The following PCYT2 variants were observed in gnomAD, a reference collection of about 807,000 sequenced individuals.
The protein encoded by PCYT2 is phosphate cytidylyltransferase 2, ethanolamine.
In PCYT2, 33 loss-of-function variants were observed where a neutral mutation model predicts 50.0. The ratio of observed to expected loss-of-function variants is 0.66; its 90% confidence interval spans 0.50 to 0.88. The LOEUF is 0.88. PCYT2 is among the 40% of genes least tolerant of loss of function. The probability of loss-of-function intolerance (pLI) is 0.00; values close to 1 mark genes in which losing one functional copy is unlikely to be tolerated. For missense variants in PCYT2, 430 were observed against 519.7 expected, an observed-to-expected ratio of 0.83 and a Z score of 1.68; for synonymous variants, 240 against 203.7, an observed-to-expected ratio of 1.18 and a Z score of -1.52.
chr17:81,906,895 G>A lies in PCYT2; in HGVS notation c.541C>T (p.Pro181Ser). 4 of 1,612,670 alleles carry A rather than the reference G, an allele frequency of 2.5e-6. No homozygotes were observed. The highest frequency in any genetic ancestry group is 3.4e-6 in the Non-Finnish European group (4 of 1,179,688). ...REYADSFGKC[P>S]GGRNPWTGVS... ...CCGGTCCAGGGGTTCCGCCCACCAG[G>A]GCACTGCAAGCCAAGAGAGGGAGCA... The change falls in exon 7 of 13, where the codon CCT (proline) becomes TCT (serine). Residue 181 changes from proline (P) to serine (S), a missense_variant. Transcript: ENST00000538936.
In PCYT2 at chr17:81,902,157, C is replaced by T. The variant is rs2039976238; in HGVS notation, c.*2676G>A. Reference sequence around the variant, plus strand: ...CGCGCGCGCCCGCTGCACCCCAGCCCGCCCGCCGCCCCTCCCGGCCCTCCG... The same window carrying T: ...CGCGCGCGCCCGCTGCACCCCAGCCTGCCCGCCGCCCCTCCCGGCCCTCCG... On this transcript the variant is annotated 3_prime_UTR_variant, in exon 13 of 13. Coordinates refer to ENST00000538936, the MANE Select transcript of PCYT2 (RefSeq NM_002861.5). The T allele has an allele frequency of 7.2e-6, 7 of 972,590 alleles. No individual in the cohort carries two copies. In the South Asian group the frequency reaches 2.5e-4, roughly 35 times the overall value. The allele number at this position is 972,590 out of a possible 1,614,324, so 60.2% of individuals were successfully genotyped here.
At chr17:81,906,599 T>C in intron 7 of PCYT2, 53 bp from the exon 8 acceptor site, 1 of 1,582,600 alleles carries the variant, frequency 6.3e-7, no homozygotes, top group Non-Finnish European at 8.7e-7. Flanking sequence ...AGCAGCTCCC[T>C]GACAGCTCAT....
intron 4 of PCYT2, 149 bp from the exon 5 acceptor site, chr17:81,908,006 T>C: frequency 1.5e-6 from 1 of 654,856 alleles, no homozygotes; most frequent in Non-Finnish European, 2.6e-6. Flanking sequence ...TGCAAGGCCA[T>C]AACAGAAAAC....
rs770434291 is a variant in PCYT2 at position 81,908,907 on chromosome 17, G to T, written c.309C>A (p.Asp103Glu). ...APYVTTLETL[D>E]KYNCDFCVHG... ...GAACACAGAAGTCACAGTTGTATTT[G>T]TCCAGGGTCTCTAGTGTAGTGACGT... The change falls in exon 3 of 13, where the codon GAC becomes GAA. Residue 103 changes from aspartate to glutamate, a missense_variant. Physicochemically the swap from Asp to Glu is conservative, Grantham distance 45. Around this residue, in one of 4 missense-constraint regions of PCYT2, gnomAD observed 117 missense variants for 163.9 expected, o/e 0.71. Coordinates refer to ENST00000538936, the MANE Select transcript of PCYT2 (RefSeq NM_002861.5). The T allele has an allele frequency of 5.6e-6, 9 of 1,613,962 alleles. No homozygotes were observed. The highest frequency in any genetic ancestry group is 7.6e-6 in the Non-Finnish European group (9 of 1,179,970).
chr17:81,902,838 C>G lies in PCYT2; in HGVS notation c.*1995G>C. On this transcript the variant is annotated 3_prime_UTR_variant, in exon 13 of 13. Coordinates refer to ENST00000538936, the MANE Select transcript of PCYT2 (RefSeq NM_002861.5). ...GCCCCTCCGGCGCGGGATGGCGCCCCAGGTCTCCCCTACTCCGCTCACCCC... is the reference window on the plus strand; with the variant it reads ...GCCCCTCCGGCGCGGGATGGCGCCCGAGGTCTCCCCTACTCCGCTCACCCC... 1 of 1,193,852 alleles carries G rather than the reference C, an allele frequency of 8.4e-7. No homozygotes were observed. Among genetic ancestry groups the G allele is most frequent in the Non-Finnish European group, 1.2e-6 (1 of 866,058 alleles). 74.0% of individuals were successfully genotyped at this position (1,193,852 alleles called of 1,614,324 possible).
intron 6 of PCYT2, 73 bp downstream of exon 6, chr17:81,907,481 G>T (rs2040336194): frequency 8.7e-6 from 13 of 1,491,768 alleles, no homozygotes; most frequent in Non-Finnish European, 1.2e-5. Flanking sequence ...TTCCCCAAGG[G>T]ATGGCTGGGA....
At chr17:81,910,567 G>C (rs980305255) in intron 1 of PCYT2, among the ~76,000 whole-genome samples, 1 of 152,204 alleles carries the variant, frequency 6.6e-6, no homozygotes, top group African/African-American at 2.4e-5. Flanking sequence ...TCAGGGCAAG[G>C]TCAAAGTCCA....
chr17:81,905,006 C>G lies in PCYT2; in HGVS notation c.1058+60G>C, dbSNP rs146889521. ...TGAGGCGGCTCCGAGGGGGAGGGCA[C>G]GGTAAGTCTAGCGGAGAGCGCCCAT... On this transcript the variant is annotated intron_variant, in intron 12 of 12. Coordinates refer to ENST00000538936, the MANE Select transcript of PCYT2 (RefSeq NM_002861.5). 1,583,724 of 1,593,216 alleles carry G rather than the reference C, an allele frequency of 0.99. 787,274 individuals carry two copies. Among genetic ancestry groups the G allele is most frequent in the Non-Finnish European group, 1 (1,160,683 of 1,163,590 alleles).
intron 1 of PCYT2, 113 bp from the exon 2 acceptor site, chr17:81,909,715 G>A (rs2040472766): frequency 9.0e-6 from 7 of 775,658 alleles, no homozygotes; most frequent in East Asian, 2.6e-5. Context: ...AGCGCTCTGA[G>A]AAGCTGCTGC....
At chr17:81,908,784 G>A (rs763515775) in intron 3 of PCYT2, 92 bp downstream of exon 3, 34 of 1,386,284 alleles carry the variant, frequency 2.5e-5, no homozygotes, top group East Asian at 4.6e-5. Context: ...CTCAAAGGGC[G>A]GAGGCCCCCT....
chr17:81,902,862 C>G lies in PCYT2; in HGVS notation c.*1971G>C. 1 of 922,962 alleles carries G rather than the reference C, an allele frequency of 1.1e-6. No homozygotes were observed. The highest frequency in any genetic ancestry group is 1.6e-6 in the Non-Finnish European group (1 of 643,202). 57.2% of individuals were successfully genotyped at this position (922,962 alleles called of 1,614,324 possible). A position where few individuals can be genotyped will look rare whatever the true frequency, so the allele number is the denominator to read the frequency against. On this transcript the variant is annotated 3_prime_UTR_variant, in exon 13 of 13. Coordinates refer to ENST00000538936, the MANE Select transcript of PCYT2 (RefSeq NM_002861.5). ...CCAGGTCTCCCCTACTCCGCTCACC[C>G]CGCAGTTAATGGCAAACGAATAAAT... is the stretch of plus-strand genomic sequence containing the variant.
At chr17:81,908,822 G>T in intron 3 of PCYT2, 54 bp downstream of exon 3, 1 of 1,535,500 alleles carries the variant, frequency 6.5e-7, no homozygotes, top group Non-Finnish European at 9.0e-7. Context: ...CAGCAGATCT[G>T]ATCCTGAGCC....
At chr17:81,905,613 C>T in intron 10 of PCYT2, 57 bp downstream of exon 10, 2 of 1,545,120 alleles carry the variant, frequency 1.3e-6, no homozygotes, top group Non-Finnish European at 1.8e-6. Context: ...GCATTCCCAG[C>T]CCATGCAGGA....
At chr17:81,909,381 G>T in intron 2 of PCYT2, 133 bp downstream of exon 2, 2 of 1,439,592 alleles carry the variant, frequency 1.4e-6, no homozygotes, top group Non-Finnish European at 1.9e-6. Flanking sequence ...GGGCTGGGCT[G>T]GGTGAGCCTA....
rs1394773016 is a variant in PCYT2 at position 81,902,416 on chromosome 17, C to T, written c.*2417G>A. On this transcript the variant is annotated 3_prime_UTR_variant, in exon 13 of 13. Transcript: ENST00000538936. ...CCGCGCCGCGGGGCTGCTGTCCGGC[C>T]TCCGCAGGTCCCCGTACGCGCGGCG... 1.7e-5 allele frequency: 23 copies of T among 1,348,458 alleles called. No homozygotes were observed. The highest frequency in any genetic ancestry group is 2.2e-5 in the Non-Finnish European group (23 of 1,057,500). The allele number at this position is 1,348,458 out of a possible 1,614,324, so 83.5% of individuals were successfully genotyped here.
At chr17:81,905,228 C>G in intron 11 of PCYT2, 74 bp from the exon 12 acceptor site, 2 of 1,399,678 alleles carry the variant, frequency 1.4e-6, no homozygotes, top group South Asian at 2.4e-5. Context: ...TGCCCTGCCC[C>G]AGAGGGAGAC....
Position 81,902,405 on chromosome 17 carries a change from T to TGCTGTCCGGCCTCC in PCYT2, c.*2414_*2427dup. 1 of 1,346,024 alleles carries TGCTGTCCGGCCTCC rather than the reference T, an allele frequency of 7.4e-7. No individual in the cohort carries two copies. The highest frequency in any genetic ancestry group is 9.5e-7 in the Non-Finnish European group (1 of 1,055,916). 83.4% of individuals were successfully genotyped at this position (1,346,024 alleles called of 1,614,324 possible). ...TACTCGGTGGGCCGCGCCGCGGGGC[T>TGCTGTCCGGCCTCC]GCTGTCCGGCCTCCGCAGGTCCCCG... On this transcript the variant is annotated 3_prime_UTR_variant, in exon 13 of 13. Transcript: ENST00000538936.
At chr17:81,909,263 C>T in intron 2 of PCYT2, 3 of 1,430,324 alleles carry the variant, frequency 2.1e-6, no homozygotes, top group Admixed American at 2.9e-5. Context: ...GGTGCTCAGC[C>T]CCTGAAGGCT....
Position 81,903,085 on chromosome 17 carries a change from G to A in PCYT2, c.*1748C>T, listed in dbSNP as rs536084175. On this transcript the variant is annotated 3_prime_UTR_variant, in exon 13 of 13. Coordinates refer to ENST00000538936, the MANE Select transcript of PCYT2 (RefSeq NM_002861.5). ...CACGACCCAGCCCCGCGGTGAAGCC[G>A]CGCCTAGCCTTGGTGCTCCCTGGGG... 185 of 323,144 alleles carry A rather than the reference G, an allele frequency of 5.7e-4. No individual in the cohort carries two copies. The highest frequency in any genetic ancestry group is 2.4e-3 in the Admixed American group (48 of 19,878). The allele number at this position is 323,144 out of a possible 1,614,324, so 20.0% of individuals were successfully genotyped here. A position where few individuals can be genotyped will look rare whatever the true frequency, so the allele number is the denominator to read the frequency against.
Sources: gnomAD v4.1 joint callset for allele counts (sites outside exome capture counted in the v4.1 genomes callset) on GRCh38, gnomAD v4.1.1 for gene constraint, gnomAD v4.1.1 regional missense constraint, MANE v1.5 for transcripts, NCBI Gene and HGNC (gene_info 2026-07-23, HGNC 2026-07-21) for gene names.